The following FER1L6 variants were observed in gnomAD, a reference collection of about 807,000 sequenced individuals.
The protein encoded by FER1L6 is fer-1 like family member 6.
Under a neutral mutation model 219.2 loss-of-function variants are expected in FER1L6, and 177 were observed. That is an observed-to-expected ratio of 0.81 (90% CI 0.71 to 0.91). The LOEUF (loss-of-function observed/expected upper bound fraction) is 0.91, where lower values mean the gene tolerates loss of function less well. Ranked by LOEUF, FER1L6 falls within the 40% of genes least tolerant of loss-of-function variation. FER1L6 has a pLI of 0.00. For missense variants in FER1L6, 2,153 were observed against 2,259.9 expected, an observed-to-expected ratio of 0.95 and a Z score of 0.96; for synonymous variants, 768 against 824.3, an observed-to-expected ratio of 0.93 and a Z score of 1.17.
At chr8:123,874,354 A>G (rs942440072) in intron 1 of FER1L6, among the ~76,000 whole-genome samples, 3 of 152,198 alleles carry the variant, frequency 2.0e-5, no homozygotes, top group Non-Finnish European at 2.9e-5. Context: ...CCTATCCCTC[A>G]GTCTTCATGC....
intron 1 of FER1L6, among the ~76,000 whole-genome samples, chr8:123,866,365 C>G (rs1196428214): frequency 6.6e-6 from 1 of 151,580 alleles, no homozygotes; most frequent in African/African-American, 2.4e-5. Context: ...TATATACACA[C>G]TACATTTTCT....
At chr8:123,985,581 T>C (rs1816535671) in intron 11 of FER1L6, 1 of 154,352 alleles carries the variant, frequency 6.5e-6, no homozygotes, top group African/African-American at 2.4e-5. Context: ...TAAATGGGAA[T>C]GATCCAAATT....
At chr8:124,059,834 GCT>G (rs928502949) in intron 22 of FER1L6, among the ~76,000 whole-genome samples, 37 of 152,100 alleles carry the variant, frequency 2.4e-4, no homozygotes, top group Non-Finnish European at 7.4e-5. Context: ...ACTGATAGAA[GCT>G]CCTTCTCCAC....
rs530847908 is a variant in FER1L6 at position 123,858,701 on chromosome 8, A to C, written c.-8+6516A>C. ...CTAACTGCAAGGGAGACTGGGAAACATGACTCACTAGACGACCAGGAAGAA... is the reference window on the plus strand; with the variant it reads ...CTAACTGCAAGGGAGACTGGGAAACCTGACTCACTAGACGACCAGGAAGAA... On this transcript the variant is annotated intron_variant, in intron 1 of 40. Coordinates refer to ENST00000522917, the MANE Select transcript of FER1L6 (RefSeq NM_001039112.2). 2.6e-5 allele frequency among the ~76,000 whole-genome samples: 4 copies of C among 152,278 alleles called. No homozygotes were observed. The South Asian group carries it at 8.3e-4, about 32-fold the overall frequency.
chr8:123,979,160 C>G (rs1264937697), intron 10 of FER1L6, among the ~76,000 whole-genome samples: 2 of 152,144 alleles, frequency 1.3e-5, no homozygotes, highest in Non-Finnish European at 2.9e-5. Context: ...ATGGAAACAT[C>G]TAATTGTCAA....
chr8:124,070,059 G>A (rs566657546), intron 29 of FER1L6, among the ~76,000 whole-genome samples: 2 of 152,172 alleles, frequency 1.3e-5, no homozygotes, highest in East Asian at 3.9e-4. Context: ...ATGTCTATAT[G>A]CATTACAATA....
chr8:124,023,216 G>A (rs991530993), intron 17 of FER1L6, among the ~76,000 whole-genome samples: 3 of 152,154 alleles, frequency 2.0e-5, no homozygotes, highest in Non-Finnish European at 1.5e-5. Context: ...CCGCCCAGCT[G>A]TATGCACTTT....
At chr8:123,912,855 G>T (rs1454135084) in intron 1 of FER1L6, among the ~76,000 whole-genome samples, 2 of 152,182 alleles carry the variant, frequency 1.3e-5, no homozygotes, top group Non-Finnish European at 2.9e-5. Context: ...CCTCAACACT[G>T]ACTCCAGTAA....
At chr8:123,941,483 C>T (rs1188725688) in intron 1 of FER1L6, among the ~76,000 whole-genome samples, 3 of 152,078 alleles carry the variant, frequency 2.0e-5, no homozygotes, top group Non-Finnish European at 2.9e-5. Context: ...CAGAGCAAAC[C>T]ACAGGGATGC....
intron 37 of FER1L6, 125 bp from the exon 38 acceptor site, chr8:124,100,972 T>C: frequency 3.3e-6 from 3 of 908,320 alleles, no homozygotes; most frequent in Non-Finnish European, 5.0e-6. Flanking sequence ...TCCAACTGAA[T>C]CTAATTATAA....
intron 1 of FER1L6, among the ~76,000 whole-genome samples, chr8:123,918,578 G>A (rs1391690410): frequency 6.6e-6 from 1 of 152,122 alleles, no homozygotes; most frequent in Non-Finnish European, 1.5e-5. Flanking sequence ...CAAGAGAAGT[G>A]TAGGCTGTGG....
chr8:123,986,678 C>A (rs1486421339), intron 12 of FER1L6, among the ~76,000 whole-genome samples: 1 of 152,066 alleles, frequency 6.6e-6, no homozygotes, highest in Admixed American at 6.5e-5. Flanking sequence ...CCCTTCCCAG[C>A]CTTTGATAAC....
intron 22 of FER1L6, among the ~76,000 whole-genome samples, chr8:124,056,911 G>C (rs974139540): frequency 6.6e-6 from 1 of 152,168 alleles, no homozygotes; most frequent in African/African-American, 2.4e-5. Context: ...GGGCGCGGTG[G>C]CGTGCAATTG....
intron 1 of FER1L6, among the ~76,000 whole-genome samples, chr8:123,858,117 T>C (rs1191545082): frequency 6.6e-6 from 1 of 152,144 alleles, no homozygotes; most frequent in East Asian, 1.9e-4. Flanking sequence ...CTCTGGCGAC[T>C]CCCTCCTCTG....
At chr8:123,927,753 T>A (rs1813623355) in intron 1 of FER1L6, among the ~76,000 whole-genome samples, 1 of 152,204 alleles carries the variant, frequency 6.6e-6, no homozygotes, top group African/African-American at 2.4e-5. Flanking sequence ...TAAATAAAAA[T>A]AGATCACATT....
chr8:124,063,962 A>G (rs1820708085), intron 25 of FER1L6, among the ~76,000 whole-genome samples: 3 of 152,144 alleles, frequency 2.0e-5, no homozygotes, highest in Admixed American at 1.3e-4. Flanking sequence ...TGGCGGCTTC[A>G]TGGCTCTCTG....
At chr8:124,029,687 G>A (rs146406871) in intron 18 of FER1L6, among the ~76,000 whole-genome samples, 6 of 152,180 alleles carry the variant, frequency 3.9e-5, no homozygotes, top group Admixed American at 1.3e-4. Context: ...TGGGTAGAAT[G>A]CAAAAATTTT....
At chr8:123,869,267 T>G (rs973894463) in intron 1 of FER1L6, among the ~76,000 whole-genome samples, 2 of 152,216 alleles carry the variant, frequency 1.3e-5, no homozygotes, top group Non-Finnish European at 2.9e-5. Context: ...CCTTGTTTTC[T>G]TGGACACACC....
chr8:124,088,054 C>CGGT (rs1821856986), intron 33 of FER1L6, among the ~76,000 whole-genome samples: 2 of 152,168 alleles, frequency 1.3e-5, no homozygotes, highest in African/African-American at 4.8e-5. Flanking sequence ...TGCCTGGCTA[C>CGGT]CACCTGTGTT....
Sources: allele counts gnomAD v4.1 joint callset (sites outside exome capture counted in the v4.1 genomes callset), GRCh38; gene constraint gnomAD v4.1.1; transcripts MANE v1.5; gene names NCBI Gene and HGNC (gene_info 2026-07-23, HGNC 2026-07-21).